GRAMD1C: variants seen among roughly 807,000 people sequenced by gnomAD.
The protein encoded by GRAMD1C is GRAM domain containing 1C.
A neutral mutation model predicts 97.8 loss-of-function variants in GRAMD1C; 89 were observed. The observed-to-expected ratio is 0.91, with a 90% CI of 0.77 to 1.09. The LOEUF (loss-of-function observed/expected upper bound fraction) is 1.09, where lower values mean the gene tolerates loss of function less well. Ranked by LOEUF, GRAMD1C falls within the 50% of genes least tolerant of loss-of-function variation. The pLI is 0.00. For missense variants in GRAMD1C, 740 were observed against 766.4 expected (o/e 0.97, Z 0.41); for synonymous variants, 256 against 267.0 (o/e 0.96, Z 0.40).
intron 2 of GRAMD1C, among the ~76,000 whole-genome samples, chr3:113,849,299 A>ATTTT (rs1235600112): frequency 4.5e-4 from 65 of 143,858 alleles, no homozygotes; most frequent in East Asian, 2.6e-3. Flanking sequence ...TTATTTATTT[A>ATTTT]TTTATTTATT....
intron 7 of GRAMD1C, among the ~76,000 whole-genome samples, chr3:113,903,139 A>ATTT (rs201449989): frequency 7.4e-6 from 1 of 135,814 alleles, no homozygotes. Flanking sequence ...TAATTTTTGC[A>ATTT]TTTTTTTTTT....
At chr3:113,843,179 A>G (rs1160813726) in intron 1 of GRAMD1C, among the ~76,000 whole-genome samples, 2 of 151,032 alleles carry the variant, frequency 1.3e-5, no homozygotes, top group Admixed American at 6.6e-5. Flanking sequence ...GGCTCAGGCA[A>G]TCCTCCCACC....
chr3:113,860,527 C>T (rs1363353876), intron 2 of GRAMD1C, among the ~76,000 whole-genome samples: 1 of 152,128 alleles, frequency 6.6e-6, no homozygotes, highest in African/African-American at 2.4e-5. Flanking sequence ...AATGGTCAAG[C>T]AGTACCCAAG....
At chr3:113,889,295 A>T (rs945959735) in intron 6 of GRAMD1C, among the ~76,000 whole-genome samples, 1 of 152,248 alleles carries the variant, frequency 6.6e-6, no homozygotes, top group African/African-American at 2.4e-5. Context: ...CCTTGAAAAC[A>T]TAATGCTAAG....
chr3:113,829,959 G>A (rs1484633087), intron 1 of GRAMD1C, among the ~76,000 whole-genome samples: 4 of 152,162 alleles, frequency 2.6e-5, no homozygotes, highest in East Asian at 1.9e-4. Context: ...TTTAATAGGC[G>A]AAATAAAGAG....
chr3:113,852,241 A>G (rs1258456833), intron 2 of GRAMD1C, among the ~76,000 whole-genome samples: 2 of 152,172 alleles, frequency 1.3e-5, no homozygotes, highest in Non-Finnish European at 2.9e-5. Flanking sequence ...TGGGGAGAAT[A>G]GGTTTCCTGT....
intron 5 of GRAMD1C, among the ~76,000 whole-genome samples, chr3:113,878,348 TCCC>T (rs1935128430): frequency 6.6e-6 from 1 of 152,154 alleles, no homozygotes; most frequent in South Asian, 2.1e-4. Context: ...TTTCAGGCTT[TCCC>T]TCCCCCAGCC....
intron 2 of GRAMD1C, among the ~76,000 whole-genome samples, chr3:113,866,022 G>C (rs144723838): frequency 8.3e-4 from 126 of 151,928 alleles, no homozygotes; most frequent in African/African-American, 2.9e-3. Context: ...TCTGGAGAAT[G>C]TTCCATCCGT....
intron 2 of GRAMD1C, among the ~76,000 whole-genome samples, chr3:113,853,007 T>C (rs1326019630): frequency 6.6e-6 from 1 of 152,182 alleles, no homozygotes; most frequent in Non-Finnish European, 1.5e-5. Context: ...ATTCAATAAA[T>C]AGTGTATTTG....
intron 5 of GRAMD1C, among the ~76,000 whole-genome samples, chr3:113,876,904 CAG>C (rs1935065376): frequency 6.6e-6 from 1 of 151,106 alleles, no homozygotes; most frequent in Non-Finnish European, 1.5e-5. Flanking sequence ...GAAAAAGAGA[CAG>C]GGAGAGTTTT....
intron 1 of GRAMD1C, among the ~76,000 whole-genome samples, chr3:113,832,292 T>G (rs1231377077): frequency 6.6e-6 from 1 of 152,144 alleles, no homozygotes; most frequent in Non-Finnish European, 1.5e-5. Context: ...CCTCCCAAAG[T>G]GCTGGGATTA....
At chr3:113,920,065 C>A in intron 10 of GRAMD1C, 1 of 1,065,420 alleles carries the variant, frequency 9.4e-7, no homozygotes, top group Non-Finnish European at 1.4e-6. Context: ...ATGAGGAAGA[C>A]TGAAGGTACT....
intron 6 of GRAMD1C, among the ~76,000 whole-genome samples, chr3:113,895,722 A>G (rs1935912331): frequency 6.6e-6 from 1 of 151,712 alleles, no homozygotes; most frequent in African/African-American, 2.4e-5. Flanking sequence ...GATTGTCAGA[A>G]CTCCTCTATC....
At position 113,939,901 on chromosome 3, in the gene GRAMD1C, T is replaced by G. The variant is rs538724965; in HGVS notation, c.1707T>G (p.Val569=). 6.3e-7 allele frequency: 1 copy of G among 1,595,298 alleles called. No homozygotes were observed. The highest frequency in any genetic ancestry group is 2.2e-5 in the East Asian group (1 of 44,766). Residue 569 remains valine (V), a synonymous_variant, in exon 16 of 18, where the codon GTT becomes GTG. Coordinates refer to ENST00000358160, the MANE Select transcript of GRAMD1C (RefSeq NM_017577.5). ...CTCTGCCTAGTGTGTTGTTATTAGT[T>G]TTGTTGAATGTGACACTGTTTCTGA... ...VVMSIFVLLL[V]LLNVTLFLKL...
At chr3:113,897,677 A>T (rs962324372) in intron 6 of GRAMD1C, 1 of 981,912 alleles carries the variant, frequency 1.0e-6, no homozygotes, top group African/African-American at 1.7e-5. Flanking sequence ...AGATGGCAAC[A>T]TACTTAGAAT....
chr3:113,901,147 G>T lies in GRAMD1C; in HGVS notation c.656+1G>T, dbSNP rs143255270. 538 of 1,475,266 alleles carry T rather than the reference G, an allele frequency of 3.6e-4. 2 individuals carry two copies. In the African/African-American group the frequency reaches 6.8e-3, roughly 19 times the overall value. The allele number at this position is 1,475,266 out of a possible 1,614,324, so 91.4% of individuals were successfully genotyped here. A position where few individuals can be genotyped will look rare whatever the true frequency, so the allele number is the denominator to read the frequency against. On this transcript the variant is annotated splice_donor_variant, in intron 7 of 17. Transcript: ENST00000358160. LOFTEE classifies it high-confidence loss of function. Reference sequence around the variant, plus strand: ...TGTCGATTGAGGATGTGCAGCCAAGGTACAGCAAAATGTTTTGAAATGTCA... The same window carrying T: ...TGTCGATTGAGGATGTGCAGCCAAGTTACAGCAAAATGTTTTGAAATGTCA...
rs886477240 is a variant in GRAMD1C at position 113,940,329 on chromosome 3, T to C, written c.1892T>C (p.Ile631Thr). Residue 631 changes from isoleucine (I) to threonine (T), a missense_variant, in exon 17 of 18, where the codon ATA (isoleucine) becomes ACA (threonine). Physicochemically the swap from Ile to Thr is moderately conservative, Grantham distance 89 (BLOSUM62 -1). Transcript: ENST00000358160. ...TTAAAGGGAGTGCTCCGAGACTCCA[T>C]AGTGATGCTTGAACAGGTAGGCAAC... ...HRLKGVLRDS[I>T]VMLEQLKSSL... 8.8e-6 allele frequency: 14 copies of C among 1,582,130 alleles called. No individual in the cohort carries two copies. Among genetic ancestry groups the C allele is most frequent in the African/African-American group, 2.7e-5 (2 of 74,280 alleles).
Position 113,908,957 on chromosome 3 carries a change from G to C in GRAMD1C, c.790-1G>C. 1 of 1,543,506 alleles carries C rather than the reference G, an allele frequency of 6.5e-7. No homozygotes were observed. On this transcript the variant is annotated splice_acceptor_variant, in intron 8 of 17. Transcript: ENST00000358160. LOFTEE classifies it high-confidence loss of function. Reference sequence around the variant, plus strand: ...TTGAAACTGGATTGTTTACCTTTTAGGGATTAGGCAAAGAGGAGTCCCAAA... The same window carrying C: ...TTGAAACTGGATTGTTTACCTTTTACGGATTAGGCAAAGAGGAGTCCCAAA...
chr3:113,879,119 C>T (rs948265923), intron 5 of GRAMD1C, among the ~76,000 whole-genome samples: 5 of 151,874 alleles, frequency 3.3e-5, no homozygotes, highest in Non-Finnish European at 4.4e-5. Flanking sequence ...GCAAAAGAAT[C>T]GCTTGAACCC....
Sources: allele counts gnomAD v4.1 joint callset (sites outside exome capture counted in the v4.1 genomes callset), GRCh38; gene constraint gnomAD v4.1.1; transcripts MANE v1.5; gene names NCBI Gene and HGNC (gene_info 2026-07-23, HGNC 2026-07-21).